MYO9A: variants seen among roughly 807,000 people sequenced by gnomAD.
MYO9A encodes the protein myosin IXA, also known as unconventional myosin-IXa.
A neutral mutation model predicts 293.3 loss-of-function variants in MYO9A; 103 were observed. That is an observed-to-expected ratio of 0.35 (90% CI 0.30 to 0.41). The LOEUF (loss-of-function observed/expected upper bound fraction) is 0.41, where lower values mean the gene tolerates loss of function less well. Among genes scored for constraint, MYO9A ranks in the 10% least tolerant of loss-of-function variants. The probability of loss-of-function intolerance (pLI) is 1.00; values close to 1 mark genes in which losing one functional copy is unlikely to be tolerated. For missense variants in MYO9A, 2,685 were observed against 3,033.0 expected, an observed-to-expected ratio of 0.89 and a Z score of 2.69; for synonymous variants, 1,001 against 1,035.7, an observed-to-expected ratio of 0.97 and a Z score of 0.64.
At chr15:71,900,052 C>A in intron 23 of MYO9A, 46 bp from the exon 24 acceptor site, 1 of 1,500,368 alleles carries the variant, frequency 6.7e-7, no homozygotes, top group Non-Finnish European at 9.0e-7. Context: ...ATATCTTACA[C>A]TGCATTTTCA....
Position 72,040,940 on chromosome 15 carries a change from T to C in MYO9A, c.840+4784A>G, listed in dbSNP as rs2078208923. Among the ~76,000 whole-genome samples the C allele has an allele frequency of 2.0e-5, 3 of 152,172 alleles. 1 individual carries two copies. In the South Asian group the frequency reaches 6.2e-4, roughly 32 times the overall value. On this transcript the variant is annotated intron_variant, in intron 2 of 41. Transcript: ENST00000356056. ...AAATAAATATATTAGAAAAGAATGA[T>C]CTAAAATCAATGACCTCAGAGATCA...
At chr15:71,971,711 A>G (rs11858354) in intron 12 of MYO9A, among the ~76,000 whole-genome samples, 10,134 of 151,806 alleles carry the variant, frequency 0.067, 492 homozygotes, top group Non-Finnish European at 0.1. Flanking sequence ...CCTTCTGCAT[A>G]CAAGAAAACT....
At chr15:71,909,463 A>G (rs1297743405) in intron 19 of MYO9A, among the ~76,000 whole-genome samples, 1 of 152,130 alleles carries the variant, frequency 6.6e-6, no homozygotes, top group Non-Finnish European at 1.5e-5. Context: ...GTGCTGTGGT[A>G]TCTCATTTTT....
At chr15:71,996,968 T>C (rs1238486291) in intron 9 of MYO9A, among the ~76,000 whole-genome samples, 1 of 152,038 alleles carries the variant, frequency 6.6e-6, no homozygotes, top group African/African-American at 2.4e-5. Context: ...TTTAAAGATA[T>C]AAAAACCCAA....
In MYO9A at chr15:71,991,248, A is replaced by G. The variant is rs749412663; in HGVS notation, c.1588-11T>C. 1.3e-6 allele frequency: 2 copies of G among 1,566,644 alleles called. No homozygotes were observed. Among genetic ancestry groups the G allele is most frequent in the South Asian group, 1.2e-5 (1 of 83,954 alleles). On this transcript the variant is annotated splice_polypyrimidine_tract_variant and intron_variant, in intron 10 of 41. Coordinates refer to ENST00000356056, the MANE Select transcript of MYO9A (RefSeq NM_006901.4). Reference sequence around the variant, plus strand: ...ACCAATAGACAATGTCTGTAAAACAAGAGAAAGTTTTGATTAAAAGTAATG... The same window carrying G: ...ACCAATAGACAATGTCTGTAAAACAGGAGAAAGTTTTGATTAAAAGTAATG...
At chr15:71,997,024 C>G (rs2148573947) in intron 9 of MYO9A, among the ~76,000 whole-genome samples, 1 of 152,168 alleles carries the variant, frequency 6.6e-6, no homozygotes, top group Non-Finnish European at 1.5e-5. Context: ...AGACTTATGA[C>G]CCATGGAAAC....
intron 6 of MYO9A, among the ~76,000 whole-genome samples, chr15:72,014,021 G>A (rs2149032924): frequency 6.6e-6 from 1 of 152,236 alleles, no homozygotes; most frequent in Non-Finnish European, 1.5e-5. Context: ...TGCCCAGGCT[G>A]GTCTTAAACT....
At chr15:72,108,865 T>C (rs2080671779) in intron 1 of MYO9A, among the ~76,000 whole-genome samples, 2 of 149,600 alleles carry the variant, frequency 1.3e-5, no homozygotes, top group East Asian at 2.0e-4. Flanking sequence ...CAGGTTGAAG[T>C]GATTCTCCTG....
chr15:71,870,604 T>G (rs1596072587), intron 32 of MYO9A, among the ~76,000 whole-genome samples: 1 of 152,324 alleles, frequency 6.6e-6, no homozygotes, highest in South Asian at 2.1e-4. Flanking sequence ...TCTCAGTAGC[T>G]GTGGGGAATT....
intron 1 of MYO9A, among the ~76,000 whole-genome samples, chr15:72,053,678 G>A (rs1486456344): frequency 1.3e-5 from 2 of 152,144 alleles, no homozygotes; most frequent in Admixed American, 6.5e-5. Context: ...GGAAGGCGAG[G>A]ATCGAAAAAC....
chr15:72,099,439 A>G lies in MYO9A; in HGVS notation c.-72+18241T>C, dbSNP rs1389428736. Among the ~76,000 whole-genome samples, 8 of 150,376 alleles carry G rather than the reference A, an allele frequency of 5.3e-5. No homozygotes were observed. The East Asian group carries it at 5.8e-4, about 11-fold the overall frequency. On this transcript the variant is annotated intron_variant, in intron 1 of 41. Coordinates refer to ENST00000356056, the MANE Select transcript of MYO9A (RefSeq NM_006901.4). ...CCCTGCCCCAAAAAAAAAAAAAAAA[A>G]AAAGAAAAAAAAATTAGCCAGGTCT... is the stretch of plus-strand genomic sequence containing the variant.
Position 71,904,020 on chromosome 15 carries a change from T to C in MYO9A, c.2786A>G (p.Asp929Gly), listed in dbSNP as rs2057558191. Residue 929 changes from aspartate to glycine, a missense_variant, in exon 21 of 42, where the codon GAT (aspartate) becomes GGT (glycine). By Grantham distance (94) the Asp-to-Gly change is moderately conservative. Around this residue, in one of 10 missense-constraint regions of MYO9A, gnomAD observed 1,434 missense variants for 1,497.7 expected, o/e 0.96. Coordinates refer to ENST00000356056, the MANE Select transcript of MYO9A (RefSeq NM_006901.4). ...NAEKLPLRFSDVLVLRQLRYT... is the reference protein window; with the variant it reads ...NAEKLPLRFSGVLVLRQLRYT... ...TCGAAGCTGTCTAAGTACCAAGACA[T>C]CACTGAACCTTAAGGGCAGCTAAAG... is the stretch of plus-strand genomic sequence containing the variant. The C allele has an allele frequency of 6.2e-7, 1 of 1,613,690 alleles. No homozygotes were observed. Among genetic ancestry groups the C allele is most frequent in the African/African-American group, 1.3e-5 (1 of 74,906 alleles).
intron 28 of MYO9A, 34 bp downstream of exon 28, chr15:71,883,560 A>T (rs779659465): frequency 1.3e-6 from 2 of 1,589,102 alleles, no homozygotes; most frequent in African/African-American, 2.7e-5. Context: ...AACAGAAATT[A>T]TGAACACAAG....
chr15:72,101,051 C>G (rs866791469), intron 1 of MYO9A, among the ~76,000 whole-genome samples: 1 of 135,314 alleles, frequency 7.4e-6, no homozygotes, highest in African/African-American at 3.0e-5. Context: ...CCAGCCGCCC[C>G]GTCAGGGAGG....
chr15:71,956,859 A>ACAC (rs1231223474), intron 14 of MYO9A, among the ~76,000 whole-genome samples: 2 of 89,286 alleles, frequency 2.2e-5, no homozygotes, highest in Non-Finnish European at 5.1e-5. Flanking sequence ...ACACACACAC[A>ACAC]AATATATATA....
rs1025798336 is a variant in MYO9A, at chr15:71,979,675, T to C, written c.1723-1383A>G. 3.9e-4 allele frequency among the ~76,000 whole-genome samples: 60 copies of C among 152,348 alleles called. 1 individual carries two copies. The highest frequency in any genetic ancestry group is 3.9e-3 in the Admixed American group (60 of 15,302). On this transcript the variant is annotated intron_variant, in intron 11 of 41. Transcript: ENST00000356056. Reference sequence around the variant, plus strand: ...AGCTACATATTGTCTATGGCTACTTTGTCAATGTAACAGCTGAGTTGAGAC... The same window carrying C: ...AGCTACATATTGTCTATGGCTACTTCGTCAATGTAACAGCTGAGTTGAGAC...
Position 71,956,332 on chromosome 15 carries a change from TATATA to T in MYO9A, c.2182+3564_2182+3568del, listed in dbSNP as rs1381103304. ...TCTTAAAAAAAAAAAAAAAAAAAAATATATATATATATATATATAAAATACGCCCA... is the reference window on the plus strand; with the variant it reads ...TCTTAAAAAAAAAAAAAAAAAAAAATTATATATATATATAAAATACGCCCA... On this transcript the variant is annotated intron_variant, in intron 14 of 41. Coordinates refer to ENST00000356056, the MANE Select transcript of MYO9A (RefSeq NM_006901.4). 1.0e-4 allele frequency among the ~76,000 whole-genome samples: 8 copies of T among 77,408 alleles called. No homozygotes were observed. In the South Asian group the frequency reaches 2.1e-3, roughly 20 times the overall value. The allele number at this position is 77,408 out of a possible 152,430, so 50.8% of individuals were successfully genotyped here.
At chr15:71,890,680 A>G (rs2142992115) in intron 26 of MYO9A, 1 of 152,266 alleles carries the variant, frequency 6.6e-6, no homozygotes, top group East Asian at 1.9e-4. Context: ...GGAAACTACT[A>G]CACTTGTTTC....
intron 5 of MYO9A, among the ~76,000 whole-genome samples, chr15:72,020,285 T>C (rs984799887): frequency 2.6e-5 from 4 of 152,172 alleles, no homozygotes; most frequent in Admixed American, 2.6e-4. Flanking sequence ...TCTGTTATTA[T>C]GAGAAATAAT....
Sources: gnomAD v4.1 joint callset for allele counts (sites outside exome capture counted in the v4.1 genomes callset) on GRCh38, gnomAD v4.1.1 for gene constraint, gnomAD v4.1.1 regional missense constraint, MANE v1.5 for transcripts, NCBI Gene and HGNC (gene_info 2026-07-23, HGNC 2026-07-21) for gene names.